KHDC1: variants seen among roughly 807,000 people sequenced by gnomAD.
The protein encoded by KHDC1 is KH homology domain-containing protein 1.
Under a neutral mutation model 24.7 loss-of-function variants are expected in KHDC1, and 21 were observed. The ratio of observed to expected loss-of-function variants is 0.85; its 90% CI spans 0.60 to 1.23. KHDC1 has a LOEUF of 1.23. KHDC1 is among the 50% of genes most tolerant of loss of function. KHDC1 has a pLI of 0.00. For synonymous variants in KHDC1, 98 were observed against 111.7 expected (o/e 0.88, Z 0.77); for missense variants, 274 against 298.5 (o/e 0.92, Z 0.61).
At chr6:73,267,777 TTGA>T (rs1433705068) in intron 2 of KHDC1, among the ~76,000 whole-genome samples, 2 of 152,134 alleles carry the variant, frequency 1.3e-5, no homozygotes, top group South Asian at 2.1e-4. Flanking sequence ...AACCCAAGAA[TTGA>T]TGAGCAGATG....
intron 1 of KHDC1, among the ~76,000 whole-genome samples, chr6:73,306,650 C>G (rs1471082483): frequency 2.6e-5 from 4 of 151,322 alleles, no homozygotes; most frequent in Non-Finnish European, 5.9e-5. Flanking sequence ...TAATACCCTC[C>G]TTCTAGCTTG....
At chr6:73,301,699 A>G (rs941927526) in intron 1 of KHDC1, among the ~76,000 whole-genome samples, 1 of 152,060 alleles carries the variant, frequency 6.6e-6, no homozygotes, top group East Asian at 1.9e-4. Flanking sequence ...TGGCACAATC[A>G]CAGCTCACTG....
intron 2 of KHDC1, among the ~76,000 whole-genome samples, chr6:73,256,283 T>A (rs958202355): frequency 3.9e-5 from 6 of 152,210 alleles, no homozygotes; most frequent in Admixed American, 3.9e-4. Context: ...CATTATAACA[T>A]TGAACAATTC....
At chr6:73,261,687 G>A (rs1024122188) in intron 2 of KHDC1, among the ~76,000 whole-genome samples, 1 of 151,518 alleles carries the variant, frequency 6.6e-6, no homozygotes, top group African/African-American at 2.4e-5. Flanking sequence ...GCCAAGGCGG[G>A]TGGATCATGA....
chr6:73,264,803 G>T (rs1228577479), intron 2 of KHDC1, among the ~76,000 whole-genome samples: 1 of 152,176 alleles, frequency 6.6e-6, no homozygotes, highest in Non-Finnish European at 1.5e-5. Context: ...CAAAAACCTG[G>T]AATGGTTTGC....
intron 2 of KHDC1, among the ~76,000 whole-genome samples, chr6:73,247,280 C>T (rs1292011978): frequency 6.6e-6 from 1 of 152,064 alleles, no homozygotes; most frequent in Non-Finnish European, 1.5e-5. Context: ...CCCAGCCCAA[C>T]ATGTTTTAGA....
At chr6:73,254,885 C>T (rs1470245692) in intron 2 of KHDC1, among the ~76,000 whole-genome samples, 1 of 151,970 alleles carries the variant, frequency 6.6e-6, no homozygotes, top group African/African-American at 2.4e-5. Context: ...GCCTTTAGTC[C>T]TAGCTACTCG....
At chr6:73,282,945 T>C (rs1485623092) in intron 2 of KHDC1, among the ~76,000 whole-genome samples, 2 of 152,198 alleles carry the variant, frequency 1.3e-5, no homozygotes, top group Non-Finnish European at 2.9e-5. Context: ...GAATTACTCT[T>C]TCTCTATTAC....
chr6:73,300,193 G>T (rs1331874766), intron 1 of KHDC1: 1 of 152,308 alleles, frequency 6.6e-6, no homozygotes, highest in Non-Finnish European at 1.5e-5. Context: ...GTTCAAGGCA[G>T]TGTCACTCTT....
intron 2 of KHDC1, among the ~76,000 whole-genome samples, chr6:73,261,456 AT>A (rs950615382): frequency 4.6e-5 from 7 of 151,132 alleles, no homozygotes; most frequent in South Asian, 2.1e-4. Context: ...AATAAATAAA[AT>A]TTTTTTTAAA....
At chr6:73,272,709 G>A (rs1767202539) in intron 2 of KHDC1, among the ~76,000 whole-genome samples, 2 of 150,994 alleles carry the variant, frequency 1.3e-5, no homozygotes, top group African/African-American at 4.9e-5. Context: ...CCAGAAGGCA[G>A]AGGTTGCAGT....
At chr6:73,296,086 G>A (rs543740000) in intron 1 of KHDC1, among the ~76,000 whole-genome samples, 4 of 152,174 alleles carry the variant, frequency 2.6e-5, no homozygotes, top group African/African-American at 7.2e-5. Flanking sequence ...AGGTTGCAGT[G>A]AGCCGAGATC....
At chr6:73,300,347 T>C (rs1456792164) in intron 1 of KHDC1, 1 of 152,176 alleles carries the variant, frequency 6.6e-6, no homozygotes, top group Non-Finnish European at 1.5e-5. Flanking sequence ...CACCACCTTC[T>C]GGTCTGTTAA....
chr6:73,294,849 T>C (rs991914753), intron 1 of KHDC1, among the ~76,000 whole-genome samples: 4 of 152,060 alleles, frequency 2.6e-5, no homozygotes, highest in African/African-American at 9.7e-5. Context: ...GATAGTGAGT[T>C]CTCATGGTGT....
At chr6:73,303,652 C>G (rs1051978317) in intron 1 of KHDC1, among the ~76,000 whole-genome samples, 1 of 152,070 alleles carries the variant, frequency 6.6e-6, no homozygotes, top group Admixed American at 6.6e-5. Context: ...CAGTCTAATC[C>G]TGAGAAAACA....
chr6:73,258,906 G>T (rs974439346), intron 2 of KHDC1, among the ~76,000 whole-genome samples: 1 of 152,204 alleles, frequency 6.6e-6, no homozygotes, highest in Non-Finnish European at 1.5e-5. Flanking sequence ...GTCTGGAAGG[G>T]CCTATTGGGC....
chr6:73,298,048 G>A (rs759251175), intron 1 of KHDC1, among the ~76,000 whole-genome samples: 5 of 151,964 alleles, frequency 3.3e-5, no homozygotes, highest in Admixed American at 6.6e-5. Flanking sequence ...AAAATTAGCC[G>A]GGCATGGTGG....
exon 1 of KHDC1, chr6:73,309,971 T>G (rs1475520705): frequency 4.4e-6 from 2 of 452,070 alleles, no homozygotes; most frequent in Non-Finnish European, 7.8e-6. Context: ...GGGCTCAAGC[T>G]CCAGGCTCGG....
At chr6:73,281,930 A>G (rs753493190) in intron 2 of KHDC1, among the ~76,000 whole-genome samples, 2 of 151,628 alleles carry the variant, frequency 1.3e-5, no homozygotes, top group Non-Finnish European at 2.9e-5. Context: ...TTAAGATGCC[A>G]CTCTAGGCCA....
Sources: gnomAD v4.1 joint callset for allele counts (sites outside exome capture counted in the v4.1 genomes callset) on GRCh38, gnomAD v4.1.1 for gene constraint, MANE v1.5 for transcripts, NCBI Gene and HGNC (gene_info 2026-07-23, HGNC 2026-07-21) for gene names.